The following NALF1 variants were observed in gnomAD, a reference collection of about 807,000 sequenced individuals.
The protein encoded by NALF1 is NALCN channel auxiliary factor 1.
In NALF1, 3 loss-of-function variants were observed where a neutral mutation model predicts 48.4. The observed-to-expected ratio is 0.06, with a 90% CI of 0.03 to 0.16. NALF1 has a LOEUF of 0.16. Ranked by LOEUF, NALF1 falls within the 10% of genes least tolerant of loss-of-function variation. NALF1 has a pLI of 1.00. For missense variants in NALF1, 526 were observed against 571.5 expected (o/e 0.92, Z 0.81); for synonymous variants, 262 against 245.7 (o/e 1.07, Z -0.62).
In NALF1 at chr13:107,163,906, A is replaced by G. The variant is rs1878607935; in HGVS notation, c.*6591T>C. Reference sequence around the variant, plus strand: ...GAAAACAAGAGAAAAAGGAAGAAAAAGAAAGCAAGAGGTTTTCTTTTAACG... The same window carrying G: ...GAAAACAAGAGAAAAAGGAAGAAAAGGAAAGCAAGAGGTTTTCTTTTAACG... On this transcript the variant is annotated 3_prime_UTR_variant, in exon 3 of 3. Transcript: ENST00000375915. 6.6e-6 allele frequency: 1 copy of G among 152,202 alleles called. No individual in the cohort carries two copies. Among genetic ancestry groups the G allele is most frequent in the Non-Finnish European group, 1.5e-5 (1 of 68,028 alleles). 9.4% of individuals were successfully genotyped at this position (152,202 alleles called of 1,614,324 possible). A position where few individuals can be genotyped will look rare whatever the true frequency, so the allele number is the denominator to read the frequency against.
intron 1 of NALF1, among the ~76,000 whole-genome samples, chr13:107,267,535 T>C (rs552972592): frequency 6.6e-6 from 1 of 152,248 alleles, no homozygotes; most frequent in Admixed American, 6.5e-5. Context: ...AGAGACCCTG[T>C]CTATGCTAAA....
At chr13:107,581,014 G>A (rs192287259) in intron 1 of NALF1, among the ~76,000 whole-genome samples, 57 of 152,108 alleles carry the variant, frequency 3.7e-4, no homozygotes, top group African/African-American at 1.1e-3. Context: ...GTCAAAATAC[G>A]GTAAACCCAG....
At chr13:107,526,771 T>A (rs573345241) in intron 1 of NALF1, among the ~76,000 whole-genome samples, 4 of 152,258 alleles carry the variant, frequency 2.6e-5, no homozygotes, top group Admixed American at 2.0e-4. Context: ...AAACTTAAGA[T>A]ACTCAAAATC....
chr13:107,398,164 T>C (rs1239817375), intron 1 of NALF1, among the ~76,000 whole-genome samples: 2 of 152,172 alleles, frequency 1.3e-5, no homozygotes, highest in African/African-American at 2.4e-5. Context: ...TTTGAAGGAA[T>C]AAGTTTAGAA....
chr13:107,451,079 A>G (rs1210943700), intron 1 of NALF1, among the ~76,000 whole-genome samples: 6 of 152,190 alleles, frequency 3.9e-5, no homozygotes, highest in African/African-American at 2.4e-5. Context: ...AAGGGAGGCA[A>G]TTAGGATGAC....
At chr13:107,272,592 T>G (rs1881199114) in intron 1 of NALF1, among the ~76,000 whole-genome samples, 1 of 152,226 alleles carries the variant, frequency 6.6e-6, no homozygotes, top group Non-Finnish European at 1.5e-5. Flanking sequence ...TGATTCCTTA[T>G]AAAATTCTGT....
intron 1 of NALF1, among the ~76,000 whole-genome samples, chr13:107,699,063 T>C (rs1306117366): frequency 1.3e-5 from 2 of 152,166 alleles, no homozygotes; most frequent in Admixed American, 1.3e-4. Flanking sequence ...TTGCCATTCA[T>C]AGCTGAGCTT....
intron 1 of NALF1, among the ~76,000 whole-genome samples, chr13:107,861,592 G>C (rs1880569583): frequency 6.6e-6 from 1 of 152,176 alleles, no homozygotes; most frequent in African/African-American, 2.4e-5. Context: ...AGACCATCCT[G>C]GCTTACATGA....
chr13:107,326,067 A>C (rs1882359354), intron 1 of NALF1, among the ~76,000 whole-genome samples: 1 of 151,354 alleles, frequency 6.6e-6, no homozygotes, highest in African/African-American at 2.4e-5. Context: ...TCATCCAAAA[A>C]GGAAAATATA....
chr13:107,561,938 T>A (rs771278850), intron 1 of NALF1, among the ~76,000 whole-genome samples: 2 of 152,208 alleles, frequency 1.3e-5, no homozygotes, highest in Non-Finnish European at 2.9e-5. Context: ...CAAAAGAAAC[T>A]TTCCTAGGTT....
rs185315461 is a variant in NALF1, at chr13:107,607,121, T to C, written c.915+258561A>G. 3.0e-3 allele frequency among the ~76,000 whole-genome samples: 462 copies of C among 152,314 alleles called. 4 individuals carry two copies. The highest frequency in any genetic ancestry group is 4.0e-3 in the Non-Finnish European group (273 of 68,024). ...CACTCAATCTAACAGATTTCAGTCA[T>C]TGCATTTCTAGAAAATACTACAAGG... On this transcript the variant is annotated intron_variant, in intron 1 of 2. Coordinates refer to ENST00000375915, the MANE Select transcript of NALF1 (RefSeq NM_001080396.3).
At chr13:107,365,115 TTCC>T (rs1883131603) in intron 1 of NALF1, among the ~76,000 whole-genome samples, 1 of 149,488 alleles carries the variant, frequency 6.7e-6, no homozygotes, top group Non-Finnish European at 1.5e-5. Flanking sequence ...CTCCTCCTTC[TTCC>T]TCATCTTTGC....
intron 1 of NALF1, among the ~76,000 whole-genome samples, chr13:107,299,491 A>T (rs539484785): frequency 6.8e-5 from 10 of 147,032 alleles, no homozygotes; most frequent in Non-Finnish European, 1.5e-4. Context: ...AATAAATAAA[A>T]AAGAAGGATA....
intron 1 of NALF1, among the ~76,000 whole-genome samples, chr13:107,460,580 T>A (rs1446829137): frequency 6.6e-6 from 1 of 152,226 alleles, no homozygotes; most frequent in Non-Finnish European, 1.5e-5. Flanking sequence ...AGCATTGATA[T>A]GTTTTGTACC....
intron 1 of NALF1, among the ~76,000 whole-genome samples, chr13:107,621,582 A>AT (rs1390675411): frequency 6.6e-6 from 1 of 152,134 alleles, no homozygotes; most frequent in Non-Finnish European, 1.5e-5. Flanking sequence ...TGATTGCGTG[A>AT]TTTTTTCCTC....
chr13:107,323,495 AT>A (rs928625756), intron 1 of NALF1, among the ~76,000 whole-genome samples: 10 of 152,010 alleles, frequency 6.6e-5, no homozygotes, highest in African/African-American at 1.7e-4. Context: ...GCCACCTCAA[AT>A]TTTTTTTCTC....
intron 1 of NALF1, among the ~76,000 whole-genome samples, chr13:107,563,264 GATC>G (rs1877697958): frequency 6.6e-6 from 1 of 152,198 alleles, no homozygotes; most frequent in African/African-American, 2.4e-5. Flanking sequence ...CCAGGTCAAA[GATC>G]ATCTCTCACA....
intron 1 of NALF1, among the ~76,000 whole-genome samples, chr13:107,371,096 C>T (rs912196348): frequency 2.0e-5 from 3 of 152,152 alleles, no homozygotes; most frequent in Non-Finnish European, 4.4e-5. Context: ...CATTTCAGTC[C>T]TATTATCTGG....
chr13:107,229,098 T>C (rs1273997011), intron 1 of NALF1, among the ~76,000 whole-genome samples: 5 of 152,190 alleles, frequency 3.3e-5, no homozygotes, highest in South Asian at 4.1e-4. Flanking sequence ...GTTGTGCTTA[T>C]AGCTTCCAGC....
Sources: allele counts gnomAD v4.1 joint callset (sites outside exome capture counted in the v4.1 genomes callset), GRCh38; gene constraint gnomAD v4.1.1; transcripts MANE v1.5; gene names NCBI Gene and HGNC (gene_info 2026-07-23, HGNC 2026-07-21).